Variants in SPTLC1 observed in about 807,000 individuals in gnomAD.
SPTLC1 encodes the protein serine palmitoyltransferase long chain base subunit 1.
In SPTLC1, 55 loss-of-function variants were observed where a neutral mutation model predicts 68.9. The ratio of observed to expected loss-of-function variants is 0.80; its 90% CI spans 0.64 to 1.00. The LOEUF (loss-of-function observed/expected upper bound fraction) is 1.00, where lower values mean the gene tolerates loss of function less well. Ranked by LOEUF, SPTLC1 falls within the 50% of genes least tolerant of loss-of-function variation. The pLI, the probability that SPTLC1 is intolerant of heterozygous loss-of-function variation, is 0.00. For synonymous variants in SPTLC1, 197 were observed against 201.6 expected (o/e 0.98, Z 0.19); for missense variants, 449 against 573.1 (o/e 0.78, Z 2.21).
rs530056885 is a variant in SPTLC1, at chr9:92,088,232, G to A, written c.261-7269C>T. ...GCAATGCCTCACCCTGCTTCAGCTC[G>A]CACATGGTGCGCTGCACCCACTGTC... is the stretch of plus-strand genomic sequence containing the variant. On this transcript the variant is annotated intron_variant, in intron 3 of 14. Coordinates refer to ENST00000262554, the MANE Select transcript of SPTLC1 (RefSeq NM_006415.4). Among the ~76,000 whole-genome samples the A allele has an allele frequency of 7.2e-5, 11 of 152,348 alleles. No individual in the cohort carries two copies. The East Asian group carries it at 1.9e-3, about 27-fold the overall frequency.
chr9:92,055,344 C>T lies in SPTLC1; in HGVS notation c.780+61G>A, dbSNP rs904993974. On this transcript the variant is annotated intron_variant, in intron 8 of 14. Coordinates refer to ENST00000262554, the MANE Select transcript of SPTLC1 (RefSeq NM_006415.4). ...GTTATACACTAAAAGCGGTCATAAA[C>T]AAAAGGCACATCTGTCAAATAGTCC... 5 of 1,609,196 alleles carry T rather than the reference C, an allele frequency of 3.1e-6. No individual in the cohort carries two copies. In the African/African-American group the frequency reaches 6.7e-5, roughly 21 times the overall value.
At chr9:92,053,440 A>G (rs529040320) in intron 8 of SPTLC1, among the ~76,000 whole-genome samples, 32 of 152,386 alleles carry the variant, frequency 2.1e-4, no homozygotes, top group Non-Finnish European at 3.8e-4. Context: ...GAAAACAGGA[A>G]TTCAAACAAA....
chr9:92,048,196 C>T (rs1029026379), intron 9 of SPTLC1, among the ~76,000 whole-genome samples: 1 of 152,200 alleles, frequency 6.6e-6, no homozygotes, highest in African/African-American at 2.4e-5. Flanking sequence ...GCGATGGAAT[C>T]TTTGACCAAC....
intron 13 of SPTLC1, among the ~76,000 whole-genome samples, chr9:92,036,655 T>G (rs1013080737): frequency 2.6e-5 from 4 of 152,200 alleles, no homozygotes; most frequent in African/African-American, 9.7e-5. Context: ...GCAAGTCCAT[T>G]GAAAAAAACA....
At chr9:92,082,444 G>C (rs2118691747) in intron 3 of SPTLC1, among the ~76,000 whole-genome samples, 1 of 134,632 alleles carries the variant, frequency 7.4e-6, no homozygotes, top group Non-Finnish European at 1.5e-5. Context: ...CTGTGTCCAT[G>C]TGTTCTCAGT....
intron 3 of SPTLC1, among the ~76,000 whole-genome samples, chr9:92,083,948 G>T (rs1835005547): frequency 6.6e-6 from 1 of 152,146 alleles, no homozygotes; most frequent in Non-Finnish European, 1.5e-5. Context: ...CCTTGAAGGG[G>T]TCCTTCATGT....
chr9:92,042,845 TA>T (rs1833397878), intron 12 of SPTLC1, among the ~76,000 whole-genome samples: 1 of 152,166 alleles, frequency 6.6e-6, no homozygotes, highest in South Asian at 2.1e-4. Context: ...AGAGACAGTT[TA>T]AAAACAGATC....
intron 3 of SPTLC1, among the ~76,000 whole-genome samples, chr9:92,095,076 G>A (rs1414233216): frequency 6.6e-6 from 1 of 151,922 alleles, no homozygotes; most frequent in East Asian, 1.9e-4. Context: ...AAATCTACAA[G>A]GTATACAGAA....
chr9:92,097,051 C>T (rs1212777274), intron 3 of SPTLC1, among the ~76,000 whole-genome samples: 3 of 152,126 alleles, frequency 2.0e-5, no homozygotes, highest in African/African-American at 2.4e-5. Context: ...ATACAAATGG[C>T]CAATAAGCCG....
At chr9:92,105,366 G>C (rs533252270) in intron 3 of SPTLC1, 1 of 1,516,782 alleles carries the variant, frequency 6.6e-7, no homozygotes, top group South Asian at 1.2e-5. Context: ...TTGTTAAGTA[G>C]AACATCAAAA....
At chr9:92,050,146 AAAGT>A in intron 8 of SPTLC1, 79 bp from the exon 9 acceptor site, 1 of 926,702 alleles carries the variant, frequency 1.1e-6, no homozygotes, top group Non-Finnish European at 1.8e-6. Context: ...TTAAGATTAA[AAAGT>A]ATGTACAGCT....
chr9:92,082,008 C>A (rs1226990088), intron 3 of SPTLC1, among the ~76,000 whole-genome samples: 2 of 152,104 alleles, frequency 1.3e-5, no homozygotes, highest in African/African-American at 4.8e-5. Flanking sequence ...AGTGAAAAAA[C>A]CATGGGTTAT....
chr9:92,032,681 C>T lies in SPTLC1; in HGVS notation c.1329-123G>A, dbSNP rs564445488. Reference sequence around the variant, plus strand: ...CACGAGGTCAGGAGATCGAGACCATCCTGGCTAACACAGTGAAACCCCATC... The same window carrying T: ...CACGAGGTCAGGAGATCGAGACCATTCTGGCTAACACAGTGAAACCCCATC... On this transcript the variant is annotated intron_variant, in intron 14 of 14. Transcript: ENST00000262554. The T allele has an allele frequency of 2.4e-5, 31 of 1,290,844 alleles. No individual in the cohort carries two copies. In the African/African-American group the frequency reaches 4.2e-4, roughly 18 times the overall value. 80.0% of individuals were successfully genotyped at this position (1,290,844 alleles called of 1,614,324 possible).
In SPTLC1 at chr9:92,058,482, C is replaced by G. The variant is rs369665777; in HGVS notation, c.690+697G>C. Among the ~76,000 whole-genome samples the G allele has an allele frequency of 2.4e-4, 37 of 152,298 alleles. 1 individual carries two copies. In the East Asian group the frequency reaches 2.7e-3, roughly 11 times the overall value. On this transcript the variant is annotated intron_variant, in intron 7 of 14. Coordinates refer to ENST00000262554, the MANE Select transcript of SPTLC1 (RefSeq NM_006415.4). ...ACAGACCTGAGCTACTTTACTTACCCATGTCATCAGGGGAAAATAAATTGT... is the reference window on the plus strand; with the variant it reads ...ACAGACCTGAGCTACTTTACTTACCGATGTCATCAGGGGAAAATAAATTGT...
chr9:92,091,412 T>A (rs1460853391), intron 3 of SPTLC1, among the ~76,000 whole-genome samples: 1 of 152,218 alleles, frequency 6.6e-6, no homozygotes, highest in African/African-American at 2.4e-5. Context: ...TGACAGACTT[T>A]AAACATAAAT....
intron 8 of SPTLC1, chr9:92,053,928 A>G (rs1833794229): frequency 2.0e-6 from 2 of 981,654 alleles, no homozygotes; most frequent in Non-Finnish European, 2.4e-6. Flanking sequence ...TTTCACCTCA[A>G]TAAAGGAAAT....
At chr9:92,054,849 T>C (rs115264513) in intron 8 of SPTLC1, among the ~76,000 whole-genome samples, 1 of 151,680 alleles carries the variant, frequency 6.6e-6, no homozygotes, top group Non-Finnish European at 1.5e-5. Context: ...GGGGAGGAGG[T>C]TGCAGTGAGC....
At chr9:92,080,139 A>C (rs763821296) in intron 4 of SPTLC1, 51 bp from the exon 5 acceptor site, 1 of 1,460,436 alleles carries the variant, frequency 6.8e-7, no homozygotes, top group Non-Finnish European at 9.6e-7. Context: ...TTAAGAGTTC[A>C]AAACAAACAT....
At chr9:92,106,560 T>C (rs1193385880) in intron 3 of SPTLC1, among the ~76,000 whole-genome samples, 1 of 151,726 alleles carries the variant, frequency 6.6e-6, no homozygotes, top group Admixed American at 6.6e-5. Flanking sequence ...TGAGACTCCC[T>C]GCCCCTGGCC....
Sources: allele counts gnomAD v4.1 joint callset (sites outside exome capture counted in the v4.1 genomes callset), GRCh38; gene constraint gnomAD v4.1.1; transcripts MANE v1.5; gene names NCBI Gene and HGNC (gene_info 2026-07-23, HGNC 2026-07-21).